The following UNC13C variants were observed in gnomAD, a reference collection of about 807,000 sequenced individuals.
UNC13C encodes the protein protein unc-13 homolog C.
UNC13C carries 174 observed loss-of-function variants against 245.4 expected under a neutral mutation model. The ratio of observed to expected loss-of-function variants is 0.71; its 90% CI spans 0.63 to 0.80. The LOEUF (loss-of-function observed/expected upper bound fraction) is 0.80, where lower values mean the gene tolerates loss of function less well. Ranked by LOEUF, UNC13C falls within the 30% of genes least tolerant of loss-of-function variation. UNC13C has a pLI of 0.00. For synonymous variants in UNC13C, 992 were observed against 895.1 expected (o/e 1.11, Z -1.93); for missense variants, 2,829 against 2,602.9 (o/e 1.09, Z -1.89).
intron 19 of UNC13C, among the ~76,000 whole-genome samples, chr15:54,430,833 T>C (rs1332834262): frequency 6.6e-6 from 1 of 151,716 alleles, no homozygotes; most frequent in Non-Finnish European, 1.5e-5. Context: ...GGTTCTGGCA[T>C]TTGACAACAA....
At chr15:54,245,857 G>C (rs1459712240) in intron 7 of UNC13C, among the ~76,000 whole-genome samples, 2 of 152,000 alleles carry the variant, frequency 1.3e-5, no homozygotes, top group South Asian at 2.1e-4. Flanking sequence ...GTATAGGAAA[G>C]GTGTGGCTTA....
intron 19 of UNC13C, among the ~76,000 whole-genome samples, chr15:54,425,602 T>TG: frequency 6.6e-6 from 1 of 151,966 alleles, no homozygotes; most frequent in African/African-American, 2.4e-5. Context: ...ATTCACCTCC[T>TG]GAGAAGTTAG....
At chr15:54,471,356 C>T (rs1225978761) in intron 19 of UNC13C, among the ~76,000 whole-genome samples, 1 of 151,566 alleles carries the variant, frequency 6.6e-6, no homozygotes, top group South Asian at 2.1e-4. Context: ...TTAATGAGAT[C>T]TGTAGTTGCA....
chr15:53,971,544 TG>T, the UNC13C span, among the ~76,000 whole-genome samples: 1 of 152,010 alleles, frequency 6.6e-6, no homozygotes, highest in Non-Finnish European at 1.5e-5. Context: ...AAAATAAAAA[TG>T]GAAGTATTTT....
chr15:54,260,756 C>A (rs6493667), intron 8 of UNC13C, among the ~76,000 whole-genome samples: 3 of 147,790 alleles, frequency 2.0e-5, no homozygotes, highest in Admixed American at 1.4e-4. Flanking sequence ...TATAAAGTTA[C>A]GTATATAACA....
At chr15:54,222,121 T>C (rs2035245221) in intron 4 of UNC13C, among the ~76,000 whole-genome samples, 1 of 152,066 alleles carries the variant, frequency 6.6e-6, no homozygotes, top group Admixed American at 6.6e-5. Context: ...GATCATACTA[T>C]ATTAGTTATT....
At position 54,078,306 on chromosome 15, in the gene UNC13C, G is replaced by A. The variant is rs150600747; in HGVS notation, c.2983+62420G>A. Among the ~76,000 whole-genome samples, 7 of 152,232 alleles carry A rather than the reference G, an allele frequency of 4.6e-5. No individual in the cohort carries two copies. The East Asian group carries it at 7.7e-4, about 17-fold the overall frequency. ...AGTGCTGCAATAACCATAAGAGTCC[G>A]GCTATATTTTTTTATAGAATGATTT... On this transcript the variant is annotated intron_variant, in intron 2 of 32. Coordinates refer to ENST00000260323, the MANE Select transcript of UNC13C (RefSeq NM_001080534.3).
At chr15:54,224,501 A>T (rs887822497) in intron 4 of UNC13C, among the ~76,000 whole-genome samples, 1 of 152,244 alleles carries the variant, frequency 6.6e-6, no homozygotes, top group East Asian at 1.9e-4. Flanking sequence ...ATGATCAATG[A>T]TCTTTTCAAT....
At chr15:54,449,176 A>T (rs1001253053) in intron 19 of UNC13C, among the ~76,000 whole-genome samples, 1 of 152,168 alleles carries the variant, frequency 6.6e-6, no homozygotes, top group Non-Finnish European at 1.5e-5. Flanking sequence ...CTTTGTGGGT[A>T]ACCCGACTTT....
At chr15:53,987,968 T>C (rs1188454437) in intron 1 of UNC13C, among the ~76,000 whole-genome samples, 2 of 152,026 alleles carry the variant, frequency 1.3e-5, no homozygotes, top group Non-Finnish European at 2.9e-5. Flanking sequence ...TGAAGTTCAG[T>C]TTCAGACGAG....
chr15:53,976,288 AAC>A (rs2140939255), upstream of UNC13C, among the ~76,000 whole-genome samples: 1 of 152,258 alleles, frequency 6.6e-6, no homozygotes, highest in South Asian at 2.1e-4. Context: ...CATTCATTAA[AAC>A]ACACATGCTG....
intron 19 of UNC13C, among the ~76,000 whole-genome samples, chr15:54,428,429 A>G (rs991447215): frequency 6.6e-6 from 1 of 151,486 alleles, no homozygotes; most frequent in African/African-American, 2.4e-5. Flanking sequence ...TTGTCTGCAT[A>G]TCTGTTCCCT....
rs181586959 is a variant in UNC13C at position 54,167,818 on chromosome 15, G to T, written c.3071+24134G>T. ...CAATCCAATAAATTATGGACCAAAG[G>T]TTTCAACAGTCACATCAAAAGAACA... On this transcript the variant is annotated intron_variant, in intron 4 of 32. Coordinates refer to ENST00000260323, the MANE Select transcript of UNC13C (RefSeq NM_001080534.3). Among the ~76,000 whole-genome samples the T allele has an allele frequency of 3.6e-4, 55 of 152,068 alleles. No homozygotes were observed. The East Asian group carries it at 9.3e-3, about 26-fold the overall frequency.
At chr15:53,977,044 C>T (rs756017568), upstream of UNC13C, 5 of 152,174 alleles carry the variant, frequency 3.3e-5, no homozygotes, top group Non-Finnish European at 7.3e-5. Flanking sequence ...GCCTGCCACT[C>T]CCGTGATGAG....
chr15:54,208,533 C>A (rs531063114), intron 4 of UNC13C, among the ~76,000 whole-genome samples: 12 of 152,022 alleles, frequency 7.9e-5, no homozygotes, highest in Non-Finnish European at 1.8e-4. Context: ...GTAATAAAGG[C>A]CCCTGCCCTC....
rs1032312408 is a variant in UNC13C at position 54,447,985 on chromosome 15, A to G, written c.4933+32918A>G. ...TCTGGTATGTTGTGTCTTTGTTCTC[A>G]TTGGTTTCAAAGAACATCTTTATTT... On this transcript the variant is annotated intron_variant, in intron 19 of 32. Coordinates refer to ENST00000260323, the MANE Select transcript of UNC13C (RefSeq NM_001080534.3). Among the ~76,000 whole-genome samples the G allele has an allele frequency of 3.3e-5, 5 of 151,996 alleles. No homozygotes were observed. The East Asian group carries it at 7.7e-4, about 24-fold the overall frequency.
Position 54,108,819 on chromosome 15 carries a change from A to G in UNC13C, c.2984-34199A>G, listed in dbSNP as rs368966442. On this transcript the variant is annotated intron_variant, in intron 2 of 32. Transcript: ENST00000260323. ...TTTCTCTCTCTTGGTTGATTTCATG[A>G]TGACAAAAAGGAACCTGCTATGGGA... 4.1e-4 allele frequency among the ~76,000 whole-genome samples: 62 copies of G among 152,330 alleles called. 1 individual carries two copies. The South Asian group carries it at 0.011, about 27-fold the overall frequency.
At chr15:54,051,691 G>A (rs1339667701) in intron 2 of UNC13C, among the ~76,000 whole-genome samples, 1 of 150,006 alleles carries the variant, frequency 6.7e-6, no homozygotes, top group South Asian at 2.1e-4. Context: ...TTATCTGCTG[G>A]CATTCGTGTT....
intron 2 of UNC13C, among the ~76,000 whole-genome samples, chr15:54,024,307 C>T (rs1309111904): frequency 1.3e-5 from 2 of 152,070 alleles, no homozygotes; most frequent in Admixed American, 6.6e-5. Context: ...AATACAAATC[C>T]TAGGAGGGAT....
Sources: gnomAD v4.1 joint callset for allele counts (sites outside exome capture counted in the v4.1 genomes callset) on GRCh38, gnomAD v4.1.1 for gene constraint, MANE v1.5 for transcripts, NCBI Gene and HGNC (gene_info 2026-07-23, HGNC 2026-07-21) for gene names.